PPP2R2C: variants seen among roughly 807,000 people sequenced by gnomAD.
The protein encoded by PPP2R2C is protein phosphatase 2 regulatory subunit Bgamma.
Under a neutral mutation model 45.3 loss-of-function variants are expected in PPP2R2C, and 10 were observed. The ratio of observed to expected loss-of-function variants is 0.22; its 90% CI spans 0.14 to 0.37. The LOEUF (loss-of-function observed/expected upper bound fraction) is 0.37, where lower values mean the gene tolerates loss of function less well. Among genes scored for constraint, PPP2R2C ranks in the 10% least tolerant of loss-of-function variants. The pLI, the probability that PPP2R2C is intolerant of heterozygous loss-of-function variation, is 1.00. For synonymous variants in PPP2R2C, 257 were observed against 245.4 expected (o/e 1.05, Z -0.44); for missense variants, 308 against 619.7 (o/e 0.50, Z 5.34).
At chr4:6,371,856 G>A (rs948463868) in intron 5 of PPP2R2C, among the ~76,000 whole-genome samples, 1 of 152,202 alleles carries the variant, frequency 6.6e-6, no homozygotes, top group Non-Finnish European at 1.5e-5. Flanking sequence ...GTTGTATGCA[G>A]AATAGTGACA....
intron 5 of PPP2R2C, chr4:6,348,884 TAG>T (rs1712262006): frequency 1.4e-6 from 1 of 734,778 alleles, no homozygotes; most frequent in South Asian, 6.2e-5. Context: ...ATTTTTTGTT[TAG>T]AGTCAAGAAC....
chr4:6,344,691 A>T (rs1222695919), intron 6 of PPP2R2C, among the ~76,000 whole-genome samples: 1 of 152,246 alleles, frequency 6.6e-6, no homozygotes, highest in Non-Finnish European at 1.5e-5. Context: ...TCAGTTTCTT[A>T]TAGCTCACCA....
At position 6,448,127 on chromosome 4, in the gene PPP2R2C, A is replaced by G. The variant is rs1720531335; in HGVS notation, c.70+24033T>C. The stretch of plus-strand genomic sequence containing the variant: ...CCAGAGACCACCTGAGGGCGAGAAG[A>G]AAGATCGTCACGGCAGTCATTTATT... On this transcript the variant is annotated intron_variant, in intron 1 of 8. Coordinates refer to ENST00000382599, the MANE Select transcript of PPP2R2C (RefSeq NM_020416.4). 2.0e-5 allele frequency among the ~76,000 whole-genome samples: 3 copies of G among 152,288 alleles called. No individual in the cohort carries two copies. The South Asian group carries it at 6.2e-4, about 32-fold the overall frequency.
chr4:6,461,274 T>C (rs1721306827), intron 1 of PPP2R2C, among the ~76,000 whole-genome samples: 1 of 152,094 alleles, frequency 6.6e-6, no homozygotes, highest in Admixed American at 6.5e-5. Context: ...AGCACAGGAT[T>C]CTTAGTAGGG....
rs576084474 is a variant in PPP2R2C at position 6,427,725 on chromosome 4, C to A, written c.70+44435G>T. On this transcript the variant is annotated intron_variant, in intron 1 of 8. Coordinates refer to ENST00000382599, the MANE Select transcript of PPP2R2C (RefSeq NM_020416.4). ...CTAACAGACACGGAGCCCCTGGAGG[C>A]AAGGAGAGGCCTTGGCTTTAGGAAG... 2.0e-5 allele frequency among the ~76,000 whole-genome samples: 3 copies of A among 152,318 alleles called. No individual in the cohort carries two copies. In the South Asian group the frequency reaches 6.2e-4, roughly 32 times the overall value.
chr4:6,452,882 C>T (rs774677201), intron 1 of PPP2R2C, among the ~76,000 whole-genome samples: 5 of 152,236 alleles, frequency 3.3e-5, no homozygotes, highest in Non-Finnish European at 5.9e-5. Flanking sequence ...ATCTCGGCTC[C>T]GTGATCAGCA....
intron 2 of PPP2R2C, among the ~76,000 whole-genome samples, chr4:6,519,413 AC>A (rs1723944250): frequency 6.6e-6 from 1 of 151,822 alleles, no homozygotes; most frequent in Non-Finnish European, 1.5e-5. Context: ...GAAAGCTAAA[AC>A]CCTAAAAGTC....
chr4:6,438,774 C>T (rs1026498191), intron 1 of PPP2R2C, among the ~76,000 whole-genome samples: 2 of 152,164 alleles, frequency 1.3e-5, no homozygotes, highest in African/African-American at 4.8e-5. Context: ...GCAGAAACAC[C>T]TGCGCTTGTC....
intron 6 of PPP2R2C, among the ~76,000 whole-genome samples, chr4:6,347,434 A>C (rs1000536703): frequency 7.9e-5 from 12 of 152,146 alleles, no homozygotes; most frequent in African/African-American, 2.9e-4. Flanking sequence ...TGGGCAGCCC[A>C]CAGCAAGTTT....
intron 2 of PPP2R2C, among the ~76,000 whole-genome samples, chr4:6,504,734 C>T (rs1322347384): frequency 1.3e-5 from 2 of 151,920 alleles, no homozygotes; most frequent in Non-Finnish European, 2.9e-5. Flanking sequence ...GAAGGGAGAT[C>T]GACAGAATTT....
rs1195198547 is a variant in PPP2R2C at position 6,330,095 on chromosome 4, A to C, written c.961-742T>G. Among the ~76,000 whole-genome samples the C allele has an allele frequency of 6.6e-6, 1 of 152,140 alleles. No individual in the cohort carries two copies. Among genetic ancestry groups the C allele is most frequent in the African/African-American group, 2.4e-5 (1 of 41,444 alleles). On this transcript the variant is annotated intron_variant, in intron 7 of 8. Transcript: ENST00000382599. This position sits in a 1 kb window ranked among gnomAD's most constrained non-coding sequence, Gnocchi z 7.0. ...AAGAGGCTGACCAGGACCCTTCCCC[A>C]GGATTCCCGTACCCCACAGGAGAGA...
At chr4:6,511,694 T>G (rs1723531270) in intron 2 of PPP2R2C, among the ~76,000 whole-genome samples, 1 of 80,348 alleles carries the variant, frequency 1.2e-5, no homozygotes, top group Non-Finnish European at 2.7e-5. Flanking sequence ...GAGGTGATGG[T>G]GGTGATGGTG....
chr4:6,529,819 G>A (rs1300441801), intron 2 of PPP2R2C, among the ~76,000 whole-genome samples: 1 of 152,214 alleles, frequency 6.6e-6, no homozygotes, highest in Non-Finnish European at 1.5e-5. Context: ...AGAACAGTGG[G>A]TGAGGACCAC....
intron 1 of PPP2R2C, among the ~76,000 whole-genome samples, chr4:6,425,897 T>C (rs546708828): frequency 6.6e-6 from 1 of 151,938 alleles, no homozygotes; most frequent in African/African-American, 2.4e-5. Context: ...GTGGTGTATG[T>C]GTGTGCATGC....
intron 1 of PPP2R2C, among the ~76,000 whole-genome samples, chr4:6,551,360 G>A (rs922810294): frequency 6.6e-6 from 1 of 152,192 alleles, no homozygotes; most frequent in African/African-American, 2.4e-5. Context: ...ACAAACACGT[G>A]GCATGGAGAA....
At chr4:6,384,254 T>C (rs1307443211) in intron 1 of PPP2R2C, 1 of 985,272 alleles carries the variant, frequency 1.0e-6, no homozygotes, top group Non-Finnish European at 1.2e-6. Flanking sequence ...TAAAACCCCC[T>C]GAGGGTGAAG....
At chr4:6,480,361 G>A (rs538413750) in intron 2 of PPP2R2C, among the ~76,000 whole-genome samples, 7 of 152,198 alleles carry the variant, frequency 4.6e-5, no homozygotes, top group South Asian at 2.1e-4. Context: ...GAACCTTCTC[G>A]CAAGAGCTGA....
chr4:6,524,931 C>G (rs1321811166), intron 2 of PPP2R2C, among the ~76,000 whole-genome samples: 2 of 151,200 alleles, frequency 1.3e-5, no homozygotes, highest in Non-Finnish European at 2.9e-5. Flanking sequence ...TCTACAAAAA[C>G]ATTTTAAAAT....
At chr4:6,349,697 T>C (rs1162740008) in intron 5 of PPP2R2C, 5 of 771,784 alleles carry the variant, frequency 6.5e-6, no homozygotes, top group Non-Finnish European at 7.9e-6. Flanking sequence ...AAGAAATTAG[T>C]TGGAGACAAG....
Sources: allele counts gnomAD v4.1 joint callset (sites outside exome capture counted in the v4.1 genomes callset), GRCh38; gene constraint gnomAD v4.1.1; non-coding constraint Gnocchi (gnomAD v3.1); transcripts MANE v1.5; gene names NCBI Gene and HGNC (gene_info 2026-07-23, HGNC 2026-07-21).